Variants in MGMT observed in about 807,000 individuals in gnomAD.
MGMT encodes methylated-DNA--protein-cysteine methyltransferase.
A neutral mutation model predicts 15.9 loss-of-function variants in MGMT; 14 were observed. The ratio of observed to expected loss-of-function variants is 0.88; its 90% CI spans 0.58 to 1.37. The LOEUF (loss-of-function observed/expected upper bound fraction) is 1.37, where lower values mean the gene tolerates loss of function less well. Ranked by LOEUF, MGMT falls within the 40% of genes most tolerant of loss-of-function variation. MGMT has a pLI of 0.00. For missense variants in MGMT, 282 were observed against 268.1 expected, an observed-to-expected ratio of 1.05 and a Z score of -0.36; for synonymous variants, 130 against 118.2, an observed-to-expected ratio of 1.10 and a Z score of -0.65.
chr10:129,480,646 G>C (rs1384768919), intron 1 of MGMT, among the ~76,000 whole-genome samples: 1 of 152,176 alleles, frequency 6.6e-6, no homozygotes, highest in South Asian at 2.1e-4. Flanking sequence ...GGGAGGCTGA[G>C]GTGGGAGGAT....
intron 3 of MGMT, among the ~76,000 whole-genome samples, 163 bp from the exon 4 acceptor site, chr10:129,759,039 G>A (rs189946597): frequency 5.0e-4 from 76 of 152,352 alleles, no homozygotes; most frequent in African/African-American, 1.5e-3. Flanking sequence ...GCGTCTCCTC[G>A]CCTGGTGACA....
intron 2 of MGMT, among the ~76,000 whole-genome samples, chr10:129,631,943 C>T (rs941705073): frequency 1.3e-5 from 2 of 152,186 alleles, no homozygotes; most frequent in African/African-American, 4.8e-5. Context: ...CCCTATGTTG[C>T]CCAGGTTGGT....
chr10:129,626,952 G>T (rs368970271), intron 2 of MGMT, among the ~76,000 whole-genome samples: 3 of 152,170 alleles, frequency 2.0e-5, no homozygotes, highest in African/African-American at 7.2e-5. Flanking sequence ...GGCTCCCAGC[G>T]CACCCAGAGA....
Position 129,707,945 on chromosome 10 carries a change from T to A in MGMT, c.176T>A (p.Leu59Gln). ...PAAVLGGPEPLMQCTAWLNAY... is the reference protein window; with the variant it reads ...PAAVLGGPEPQMQCTAWLNAY... ...GCGGTTCTCGGAGGTCCGGAGCCCC[T>A]GATGCAGTGCACAGCCTGGCTGAAT... The change falls in exon 3 of 5, where the codon CTG becomes CAG. Residue 59 changes from leucine (L) to glutamine (Q), a missense_variant. By Grantham distance (113) the Leu-to-Gln change is moderately radical. Transcript: ENST00000651593. The A allele has an allele frequency of 6.2e-7, 1 of 1,613,134 alleles. No homozygotes were observed. Among genetic ancestry groups the A allele is most frequent in the Non-Finnish European group, 8.5e-7 (1 of 1,180,010 alleles).
chr10:129,636,911 A>G (rs1256054457), intron 2 of MGMT, among the ~76,000 whole-genome samples: 1 of 152,208 alleles, frequency 6.6e-6, no homozygotes, highest in Non-Finnish European at 1.5e-5. Context: ...TCTGTTTTCT[A>G]ATTATAGAGC....
intron 3 of MGMT, among the ~76,000 whole-genome samples, chr10:129,710,738 T>C (rs767783206): frequency 3.1e-4 from 47 of 152,206 alleles, no homozygotes; most frequent in Non-Finnish European, 5.9e-4. Context: ...GCAGGTCTTC[T>C]AGAGGAAAAG....
At chr10:129,686,927 C>T (rs539533739) in intron 2 of MGMT, among the ~76,000 whole-genome samples, 1 of 152,180 alleles carries the variant, frequency 6.6e-6, no homozygotes, top group South Asian at 2.1e-4. Context: ...GGCCTACCTC[C>T]TAAGAACAAA....
intron 3 of MGMT, among the ~76,000 whole-genome samples, chr10:129,716,068 G>A (rs527948157): frequency 3.3e-5 from 5 of 152,338 alleles, no homozygotes; most frequent in Non-Finnish European, 7.3e-5. Context: ...CAGCCGGAAC[G>A]TCTCCAGCTC....
At chr10:129,542,609 TG>T (rs895172127) in intron 2 of MGMT, among the ~76,000 whole-genome samples, 2 of 152,184 alleles carry the variant, frequency 1.3e-5, no homozygotes, top group Non-Finnish European at 2.9e-5. Context: ...CGTGAAATAA[TG>T]ATTTGTGTTG....
At chr10:129,765,428 G>T (rs1848922708) in intron 4 of MGMT, among the ~76,000 whole-genome samples, 1 of 152,200 alleles carries the variant, frequency 6.6e-6, no homozygotes, top group African/African-American at 2.4e-5. Context: ...ATCCCTGTCT[G>T]CCCAGGCAGA....
At chr10:129,519,023 A>G (rs1010678348) in intron 1 of MGMT, among the ~76,000 whole-genome samples, 1 of 152,138 alleles carries the variant, frequency 6.6e-6, no homozygotes, top group Non-Finnish European at 1.5e-5. Context: ...AGCCCTGACT[A>G]CTGACAGGTC....
In MGMT at chr10:129,645,118, C is replaced by CTTTTT. The variant is rs10606297; in HGVS notation, c.126-62762_126-62758dup. On this transcript the variant is annotated intron_variant, in intron 2 of 4. Coordinates refer to ENST00000651593, the MANE Select transcript of MGMT (RefSeq NM_002412.5). Reference sequence around the variant, plus strand: ...ATGTACTAAATCAAGCCTGAAAGCCCTTTTTTTTTTTTTTTTTTTGAGATG... The same window carrying CTTTTT: ...ATGTACTAAATCAAGCCTGAAAGCCCTTTTTTTTTTTTTTTTTTTTTTTTGAGATG... Among the ~76,000 whole-genome samples the CTTTTT allele has an allele frequency of 1.6e-3, 190 of 121,920 alleles. 2 individuals are homozygous for CTTTTT. Among genetic ancestry groups the CTTTTT allele is most frequent in the African/African-American group, 5.6e-3 (176 of 31,418 alleles). The allele number at this position is 121,920 out of a possible 152,430, so 80.0% of individuals were successfully genotyped here.
At chr10:129,500,055 C>G (rs1013013807) in intron 1 of MGMT, among the ~76,000 whole-genome samples, 21 of 152,186 alleles carry the variant, frequency 1.4e-4, no homozygotes, top group Admixed American at 1.4e-3. Flanking sequence ...TTCTTTCTTT[C>G]TTAAGCATAT....
intron 2 of MGMT, among the ~76,000 whole-genome samples, chr10:129,595,452 G>A (rs942260908): frequency 6.6e-6 from 1 of 152,136 alleles, no homozygotes; most frequent in Non-Finnish European, 1.5e-5. Flanking sequence ...CTTTCGTGGT[G>A]TCCACCCATG....
At chr10:129,693,400 A>G (rs1274893737) in intron 2 of MGMT, among the ~76,000 whole-genome samples, 1 of 152,194 alleles carries the variant, frequency 6.6e-6, no homozygotes, top group East Asian at 1.9e-4. Flanking sequence ...GCATCTAAGA[A>G]TCCTTTCCTT....
chr10:129,737,716 G>A (rs996669127), intron 3 of MGMT, among the ~76,000 whole-genome samples: 3 of 152,218 alleles, frequency 2.0e-5, no homozygotes, highest in Non-Finnish European at 4.4e-5. Flanking sequence ...TGATGGTGAT[G>A]TACAGATGGG....
intron 2 of MGMT, among the ~76,000 whole-genome samples, chr10:129,702,799 C>T (rs897164708): frequency 1.3e-5 from 2 of 152,182 alleles, no homozygotes; most frequent in Admixed American, 1.3e-4. Context: ...TTGCAGGGCC[C>T]CTGGGGAAGA....
intron 3 of MGMT, among the ~76,000 whole-genome samples, chr10:129,712,572 C>G (rs1162426786): frequency 6.6e-6 from 1 of 152,082 alleles, no homozygotes; most frequent in Non-Finnish European, 1.5e-5. Context: ...AAGCCCTGCC[C>G]CAGAGTTAAG....
intron 2 of MGMT, among the ~76,000 whole-genome samples, chr10:129,575,950 T>A (rs1405037485): frequency 6.6e-6 from 1 of 152,064 alleles, no homozygotes; most frequent in Non-Finnish European, 1.5e-5. Context: ...ATGGATAAAT[T>A]CCTCGACACA....
Sources: gnomAD v4.1 joint callset for allele counts (sites outside exome capture counted in the v4.1 genomes callset) on GRCh38, gnomAD v4.1.1 for gene constraint, MANE v1.5 for transcripts, NCBI Gene and HGNC (gene_info 2026-07-23, HGNC 2026-07-21) for gene names.